SYN3: variants seen among roughly 807,000 people sequenced by gnomAD.
SYN3 encodes the protein synapsin III, also known as synapsin-3.
In SYN3, 35 loss-of-function variants were observed where a neutral mutation model predicts 65.8. That is an observed-to-expected ratio of 0.53 (90% CI 0.41 to 0.70). SYN3 has a LOEUF of 0.70. Among genes scored for constraint, SYN3 ranks in the 30% least tolerant of loss-of-function variants. The probability of loss-of-function intolerance (pLI) is 0.00; values close to 1 mark genes in which losing one functional copy is unlikely to be tolerated. For missense variants in SYN3, 680 were observed against 749.0 expected (o/e 0.91, Z 1.08); for synonymous variants, 270 against 292.9 (o/e 0.92, Z 0.80).
chr22:32,544,890 G>A (rs976002543), intron 7 of SYN3, among the ~76,000 whole-genome samples: 2 of 152,152 alleles, frequency 1.3e-5, no homozygotes, highest in African/African-American at 4.8e-5. Flanking sequence ...GGGCTACCTC[G>A]GAAGTGTCTA....
At chr22:33,053,957 A>G (rs1401804599) in intron 1 of SYN3, among the ~76,000 whole-genome samples, 1 of 152,214 alleles carries the variant, frequency 6.6e-6, no homozygotes, top group East Asian at 1.9e-4. Context: ...ATGGCATCAC[A>G]CTGAGATGGG....
chr22:32,755,004 T>G lies in SYN3; in HGVS notation c.711+109911A>C, dbSNP rs5998618. Among the ~76,000 whole-genome samples the G allele has an allele frequency of 3.9e-3, 599 of 152,248 alleles. 7 individuals are homozygous for G. The highest frequency in any genetic ancestry group is 0.014 in the African/African-American group (566 of 41,522). ...TCCCCCTGCAAGGACAATGTGAGACTCAGCACAACTCCAAGTCCTTCCCTC... is the reference window on the plus strand; with the variant it reads ...TCCCCCTGCAAGGACAATGTGAGACGCAGCACAACTCCAAGTCCTTCCCTC... On this transcript the variant is annotated intron_variant, in intron 6 of 13. Transcript: ENST00000358763.
At chr22:32,607,264 C>T (rs1461061812) in intron 6 of SYN3, among the ~76,000 whole-genome samples, 2 of 152,174 alleles carry the variant, frequency 1.3e-5, no homozygotes, top group Non-Finnish European at 2.9e-5. Flanking sequence ...ACCCTCAGGC[C>T]TCTCCTGAAT....
chr22:32,726,423 G>C (rs896939887), intron 6 of SYN3, among the ~76,000 whole-genome samples: 51 of 152,200 alleles, frequency 3.4e-4, no homozygotes, highest in Admixed American at 3.3e-4. Context: ...TTACAGGTGT[G>C]AGCCACCACA....
chr22:32,569,569 C>CTATA (rs1481673554), intron 7 of SYN3, among the ~76,000 whole-genome samples: 23 of 76,482 alleles, frequency 3.0e-4, no homozygotes, highest in East Asian at 1.2e-3. Context: ...CTCTCTCTCT[C>CTATA]TCTATATATA....
At chr22:32,722,062 C>T (rs5754232) in intron 6 of SYN3, among the ~76,000 whole-genome samples, 11,268 of 152,150 alleles carry the variant, frequency 0.074, 493 homozygotes, top group Non-Finnish European at 0.11. Flanking sequence ...AGAGGAAGAG[C>T]GGTGGAAGAT....
At chr22:32,666,816 A>C (rs1478765683) in intron 6 of SYN3, among the ~76,000 whole-genome samples, 1 of 152,162 alleles carries the variant, frequency 6.6e-6, no homozygotes, top group Non-Finnish European at 1.5e-5. Context: ...CAAATATCTA[A>C]GCCTGCCTTG....
At chr22:32,586,105 C>T (rs999671315) in intron 7 of SYN3, among the ~76,000 whole-genome samples, 1 of 141,002 alleles carries the variant, frequency 7.1e-6, no homozygotes, top group South Asian at 2.4e-4. Flanking sequence ...TATATGTATA[C>T]ATGTATATGT....
At chr22:32,699,112 A>C (rs2147191282) in intron 6 of SYN3, among the ~76,000 whole-genome samples, 1 of 152,374 alleles carries the variant, frequency 6.6e-6, no homozygotes, top group African/African-American at 2.4e-5. Context: ...AGCTTGGCCC[A>C]GGGTCTCCAG....
Position 32,842,010 on chromosome 22 carries a change from C to A in SYN3, c.711+22905G>T, listed in dbSNP as rs73885117. ...TGACCGGACTGAGCACCAAGAAGGTCATGGGTGACTTCGACAAGCACTGCT... is the reference window on the plus strand; with the variant it reads ...TGACCGGACTGAGCACCAAGAAGGTAATGGGTGACTTCGACAAGCACTGCT... On this transcript the variant is annotated intron_variant, in intron 6 of 13. Transcript: ENST00000358763. Among the ~76,000 whole-genome samples the A allele has an allele frequency of 8.9e-3, 1,351 of 152,218 alleles. 20 individuals carry two copies. The highest frequency in any genetic ancestry group is 0.031 in the African/African-American group (1,299 of 41,532).
At chr22:32,812,452 G>A (rs1053617876) in intron 6 of SYN3, among the ~76,000 whole-genome samples, 3 of 152,178 alleles carry the variant, frequency 2.0e-5, no homozygotes, top group Non-Finnish European at 4.4e-5. Context: ...AGACTTAGTC[G>A]ATGGCTAGAA....
At chr22:33,036,971 G>A (rs547878880) in intron 1 of SYN3, among the ~76,000 whole-genome samples, 2 of 152,192 alleles carry the variant, frequency 1.3e-5, no homozygotes, top group South Asian at 2.1e-4. Flanking sequence ...GATTATAGGC[G>A]TGAGCCATCA....
chr22:32,716,481 G>T (rs984561586), intron 6 of SYN3, among the ~76,000 whole-genome samples: 1 of 151,924 alleles, frequency 6.6e-6, no homozygotes, highest in African/African-American at 2.4e-5. Context: ...TTTACCCTAG[G>T]GCCCCATGTG....
chr22:32,854,688 A>G (rs2048314685), intron 6 of SYN3, among the ~76,000 whole-genome samples: 3 of 152,188 alleles, frequency 2.0e-5, no homozygotes, highest in African/African-American at 7.2e-5. Flanking sequence ...AGAAGTCATC[A>G]TCGTGACTCT....
intron 3 of SYN3, among the ~76,000 whole-genome samples, chr22:32,943,322 C>G (rs1474422911): frequency 2.6e-5 from 4 of 152,178 alleles, no homozygotes; most frequent in Admixed American, 1.3e-4. Flanking sequence ...ATTTTCAACC[C>G]AGATTTTCAT....
chr22:32,693,707 T>C (rs2060698814), intron 6 of SYN3, among the ~76,000 whole-genome samples: 1 of 144,948 alleles, frequency 6.9e-6, no homozygotes, highest in South Asian at 2.4e-4. Flanking sequence ...TTCTCCTGCC[T>C]CAGCCACCTG....
At chr22:32,844,171 A>G (rs1188297213) in intron 6 of SYN3, among the ~76,000 whole-genome samples, 1 of 152,164 alleles carries the variant, frequency 6.6e-6, no homozygotes, top group Admixed American at 6.5e-5. Context: ...AGGTCGGGGA[A>G]GAAGGGTCTG....
chr22:32,996,825 T>G (rs889597541), intron 2 of SYN3, among the ~76,000 whole-genome samples: 4 of 152,230 alleles, frequency 2.6e-5, no homozygotes, highest in South Asian at 2.1e-4. Flanking sequence ...CTTTAAGCTC[T>G]GGCTGCCCGG....
At chr22:32,727,696 T>A (rs1601998214) in intron 6 of SYN3, among the ~76,000 whole-genome samples, 1 of 152,250 alleles carries the variant, frequency 6.6e-6, no homozygotes, top group Admixed American at 6.5e-5. Flanking sequence ...TGAGATGGCA[T>A]CTCATTGTAG....
Sources: allele counts gnomAD v4.1 joint callset (sites outside exome capture counted in the v4.1 genomes callset), GRCh38; gene constraint gnomAD v4.1.1; transcripts MANE v1.5; gene names NCBI Gene and HGNC (gene_info 2026-07-23, HGNC 2026-07-21).